Variants in CYP2J2 observed in about 807,000 individuals in gnomAD.
CYP2J2 encodes cytochrome P450 family 2 subfamily J member 2.
Under a neutral mutation model 48.8 loss-of-function variants are expected in CYP2J2, and 41 were observed. The observed-to-expected ratio is 0.84, with a 90% CI of 0.66 to 1.09. The LOEUF (loss-of-function observed/expected upper bound fraction) is 1.09, where lower values mean the gene tolerates loss of function less well. Among genes scored for constraint, CYP2J2 ranks in the 50% least tolerant of loss-of-function variants. CYP2J2 has a pLI of 0.00. For missense variants in CYP2J2, 644 were observed against 617.3 expected, an observed-to-expected ratio of 1.04 and a Z score of -0.46; for synonymous variants, 221 against 227.1, an observed-to-expected ratio of 0.97 and a Z score of 0.24.
chr1:59,923,154 G>A (rs1294307504), intron 1 of CYP2J2, among the ~76,000 whole-genome samples: 2 of 152,212 alleles, frequency 1.3e-5, no homozygotes, highest in Non-Finnish European at 2.9e-5. Flanking sequence ...ATGCCAGAGG[G>A]ATCCCTGTCT....
At chr1:59,948,044 C>T in the CYP2J2 span, among the ~76,000 whole-genome samples, 1 of 152,150 alleles carries the variant, frequency 6.6e-6, no homozygotes, top group African/African-American at 2.4e-5. Flanking sequence ...CCAGGGGTTG[C>T]ACAGGATTCT....
chr1:59,947,373 A>G, the CYP2J2 span, among the ~76,000 whole-genome samples: 5 of 152,208 alleles, frequency 3.3e-5, no homozygotes, highest in Non-Finnish European at 5.9e-5. Flanking sequence ...AGCATCATTA[A>G]CTGCAGAAAA....
chr1:59,926,507 G>C, intron 1 of CYP2J2, 30 bp downstream of exon 1: 1 of 1,583,920 alleles, frequency 6.3e-7, no homozygotes, highest in Admixed American at 1.7e-5. Flanking sequence ...TTAGGGTCAG[G>C]ACACGCTAGG....
the CYP2J2 span, among the ~76,000 whole-genome samples, chr1:59,965,833 G>A: frequency 1.3e-5 from 2 of 152,042 alleles, no homozygotes; most frequent in African/African-American, 2.4e-5. Context: ...TGTATTTCTA[G>A]TAGAGACGGG....
intron 2 of CYP2J2, among the ~76,000 whole-genome samples, chr1:59,915,048 T>C (rs1324676845): frequency 2.6e-5 from 4 of 152,234 alleles, no homozygotes; most frequent in Non-Finnish European, 4.4e-5. Flanking sequence ...CCTACGTGCA[T>C]GTCCAGGCAT....
At chr1:59,921,693 C>T (rs113541424) in intron 1 of CYP2J2, among the ~76,000 whole-genome samples, 17,229 of 150,600 alleles carry the variant, frequency 0.11, 1,194 homozygotes, top group Admixed American at 0.17. Context: ...AGAAACAGGA[C>T]GTGAAGCTAG....
the CYP2J2 span, among the ~76,000 whole-genome samples, chr1:59,947,775 AG>A: frequency 1.5e-4 from 23 of 152,148 alleles, no homozygotes; most frequent in African/African-American, 5.6e-4. Flanking sequence ...GCTCCATCTA[AG>A]GGCATCTTTA....
intron 1 of CYP2J2, among the ~76,000 whole-genome samples, chr1:59,924,430 G>A (rs536794546): frequency 4.6e-5 from 7 of 152,188 alleles, no homozygotes; most frequent in Admixed American, 3.3e-4. Context: ...TTTCAAAATT[G>A]CATTTAACAT....
chr1:59,922,359 C>T (rs1365127555), intron 1 of CYP2J2, among the ~76,000 whole-genome samples: 7 of 152,184 alleles, frequency 4.6e-5, no homozygotes, highest in African/African-American at 1.7e-4. Flanking sequence ...TGAAAACTGA[C>T]ATAAAAATAC....
rs1644315300 is a variant in CYP2J2 at position 59,901,053 on chromosome 1, C to T, written c.1242G>A (p.Glu414=). 3.7e-6 allele frequency: 6 copies of T among 1,614,046 alleles called. No individual in the cohort carries two copies. Among genetic ancestry groups the T allele is most frequent in the Admixed American group, 1.7e-5 (1 of 60,010 alleles). Residue 414 remains glutamate (E), a synonymous_variant, in exon 8 of 9, where the codon GAG becomes GAA. Transcript: ENST00000371204. ...GATTGAATGTGTCAGGGGTGGCCCACTCTGTGGGGTCCCTGTGCAGCGCCG... is the reference window on the plus strand; with the variant it reads ...GATTGAATGTGTCAGGGGTGGCCCATTCTGTGGGGTCCCTGTGCAGCGCCG... ...NLTALHRDPT[E]WATPDTFNPD... is the part of the protein sequence containing the mutation.
intron 8 of CYP2J2, among the ~76,000 whole-genome samples, chr1:59,896,170 A>G (rs1047520990): frequency 1.3e-5 from 2 of 152,124 alleles, no homozygotes; most frequent in African/African-American, 2.4e-5. Flanking sequence ...AGAAATCAAG[A>G]TCTGGGCATT....
the CYP2J2 span, among the ~76,000 whole-genome samples, chr1:59,935,116 G>A: frequency 2.8e-5 from 4 of 145,130 alleles, no homozygotes; most frequent in African/African-American, 7.6e-5. Flanking sequence ...CAACATGGAC[G>A]AATGTGGAGG....
the CYP2J2 span, among the ~76,000 whole-genome samples, chr1:59,944,631 G>GA: frequency 6.6e-6 from 1 of 152,172 alleles, no homozygotes; most frequent in Non-Finnish European, 1.5e-5. Flanking sequence ...TCCTTGCCAA[G>GA]AGTCTCTATT....
intron 8 of CYP2J2, among the ~76,000 whole-genome samples, chr1:59,896,209 T>C (rs1340948630): frequency 6.6e-6 from 1 of 152,094 alleles, no homozygotes; most frequent in Non-Finnish European, 1.5e-5. Flanking sequence ...CCAGATGTTG[T>C]TGCCCCTAGC....
intron 8 of CYP2J2, among the ~76,000 whole-genome samples, chr1:59,898,195 C>T (rs151063129): frequency 1.3e-5 from 2 of 152,208 alleles, no homozygotes; most frequent in Non-Finnish European, 2.9e-5. Context: ...AATATCCCCT[C>T]CCCTTAAACT....
the CYP2J2 span, among the ~76,000 whole-genome samples, chr1:59,949,521 T>C: frequency 6.6e-6 from 1 of 152,174 alleles, no homozygotes; most frequent in Non-Finnish European, 1.5e-5. Context: ...TCCAAGTTCA[T>C]GGAGTTCAAA....
chr1:59,925,782 T>C (rs1431256815), intron 1 of CYP2J2, among the ~76,000 whole-genome samples: 1 of 152,238 alleles, frequency 6.6e-6, no homozygotes, highest in Non-Finnish European at 1.5e-5. Flanking sequence ...TATGTCAGTA[T>C]TGACCATTCA....
intron 2 of CYP2J2, chr1:59,912,947 G>A (rs1285086392): frequency 1.3e-5 from 2 of 152,130 alleles, no homozygotes; most frequent in East Asian, 3.9e-4. Flanking sequence ...AAAAATTTTG[G>A]TGTGTTTGAC....
intron 5 of CYP2J2, among the ~76,000 whole-genome samples, chr1:59,908,849 GGAAAGT>G (rs1644386750): frequency 6.6e-6 from 1 of 152,134 alleles, no homozygotes; most frequent in East Asian, 1.9e-4. Context: ...CTATAATGTT[GGAAAGT>G]GAAAGGTACA....
Sources: allele counts gnomAD v4.1 joint callset (sites outside exome capture counted in the v4.1 genomes callset), GRCh38; gene constraint gnomAD v4.1.1; transcripts MANE v1.5; gene names NCBI Gene and HGNC (gene_info 2026-07-23, HGNC 2026-07-21).